Variants in RNF19A observed in about 807,000 individuals in gnomAD.
RNF19A encodes the protein E3 ubiquitin-protein ligase RNF19A.
In RNF19A, 32 loss-of-function variants were observed where a neutral mutation model predicts 75.7. The ratio of observed to expected loss-of-function variants is 0.42; its 90% CI spans 0.32 to 0.57. The LOEUF is 0.57. Ranked by LOEUF, RNF19A falls within the 20% of genes least tolerant of loss-of-function variation. RNF19A has a pLI of 0.10. For synonymous variants in RNF19A, 335 were observed against 345.2 expected (o/e 0.97, Z 0.33); for missense variants, 782 against 1,036.3 (o/e 0.75, Z 3.37).
At chr8:100,335,254 A>T (rs1822664115) in intron 1 of RNF19A, among the ~76,000 whole-genome samples, 1 of 152,212 alleles carries the variant, frequency 6.6e-6, no homozygotes, top group South Asian at 2.1e-4. Context: ...CTTACTGTAA[A>T]CCAGGTACCC....
rs1299159291 is a variant in RNF19A, at chr8:100,257,963, C to T, written c.*593G>A. The T allele has an allele frequency of 7.5e-6, 3 of 398,412 alleles. No homozygotes were observed. The highest frequency in any genetic ancestry group is 6.2e-5 in the African/African-American group (3 of 48,546). 24.7% of individuals were successfully genotyped at this position (398,412 alleles called of 1,614,324 possible). ...CAGGTATTTCTATTTCAAAGTTGTGCAAAAACTGCCACAATCTTGCTCAAA... is the reference window on the plus strand; with the variant it reads ...CAGGTATTTCTATTTCAAAGTTGTGTAAAAACTGCCACAATCTTGCTCAAA... On this transcript the variant is annotated 3_prime_UTR_variant, in exon 10 of 10. Coordinates refer to ENST00000341084, the MANE Select transcript of RNF19A (RefSeq NM_183419.4).
At chr8:100,320,894 G>C (rs905653650) in intron 1 of RNF19A, among the ~76,000 whole-genome samples, 2 of 152,110 alleles carry the variant, frequency 1.3e-5, no homozygotes, top group African/African-American at 4.8e-5. Context: ...ACATTATATT[G>C]TGGGCTATTA....
At position 100,320,960 on chromosome 8, in the gene RNF19A, A is replaced by G. The variant is rs181712027; in HGVS notation, c.-242-7588T>C. 5.1e-3 allele frequency among the ~76,000 whole-genome samples: 784 copies of G among 152,348 alleles called. 6 individuals are homozygous for G. The highest frequency in any genetic ancestry group is 0.018 in the African/African-American group (749 of 41,586). On this transcript the variant is annotated intron_variant, in intron 1 of 3. Coordinates refer to the RNF19A transcript ENST00000519527. ...ATATACCTTAATTTAAAAATACTTCATTGCTAAAAAATACTAATGATCATC... is the reference window on the plus strand; with the variant it reads ...ATATACCTTAATTTAAAAATACTTCGTTGCTAAAAAATACTAATGATCATC...
intron 1 of RNF19A, among the ~76,000 whole-genome samples, chr8:100,293,935 A>G (rs1013591427): frequency 1.3e-5 from 2 of 152,188 alleles, no homozygotes; most frequent in Non-Finnish European, 2.9e-5. Flanking sequence ...TCAGTTCTAT[A>G]ACATCTATTG....
rs1171404891 is a variant in RNF19A at position 100,257,826 on chromosome 8, G to A, written c.*730C>T. 2.0e-5 allele frequency: 8 copies of A among 391,108 alleles called. No homozygotes were observed. The highest frequency in any genetic ancestry group is 3.6e-5 in the Non-Finnish European group (8 of 221,656). The allele number at this position is 391,108 out of a possible 1,614,324, so 24.2% of individuals were successfully genotyped here. A position where few individuals can be genotyped will look rare whatever the true frequency, so the allele number is the denominator to read the frequency against. On this transcript the variant is annotated 3_prime_UTR_variant, in exon 10 of 10. Transcript: ENST00000341084. ...TTTTTTGTAATACTTATAACCTAAT[G>A]GGACTTTATTTTGTAGTTTTATGTA... is the stretch of plus-strand genomic sequence containing the variant.
rs1386918571 is a variant in RNF19A, at chr8:100,323,060, G to A, written c.-242-9688C>T. On this transcript the variant is annotated intron_variant, in intron 1 of 3. Coordinates refer to the RNF19A transcript ENST00000519527. The surrounding 1 kb of genome is among the most constrained non-coding windows in gnomAD (Gnocchi z 4.6). ...GCCGAAAAATGTTGCCAATAGACTCGCTGGTTGCAGGGTTGCCACAAACCT... is the reference window on the plus strand; with the variant it reads ...GCCGAAAAATGTTGCCAATAGACTCACTGGTTGCAGGGTTGCCACAAACCT... 2.0e-5 allele frequency among the ~76,000 whole-genome samples: 3 copies of A among 152,190 alleles called. No individual in the cohort carries two copies. The highest frequency in any genetic ancestry group is 2.1e-4 in the South Asian group (1 of 4,820).
rs551151386 is a variant in RNF19A at position 100,284,933 on chromosome 8, T to G, written c.674+2568A>C. On this transcript the variant is annotated intron_variant, in intron 2 of 9. Transcript: ENST00000341084. The surrounding 1 kb of genome is among the most constrained non-coding windows in gnomAD (Gnocchi z 4.3). ...AAAAATTGTATCAGTATACTAAGCA[T>G]GAACTGGAAATCAGAACCTTTATTT... Among the ~76,000 whole-genome samples the G allele has an allele frequency of 9.8e-5, 15 of 152,286 alleles. No individual in the cohort carries two copies. The highest frequency in any genetic ancestry group is 3.4e-4 in the African/African-American group (14 of 41,578).
At chr8:100,314,257 T>A (rs1822342315), upstream of RNF19A, among the ~76,000 whole-genome samples, 1 of 152,146 alleles carries the variant, frequency 6.6e-6, no homozygotes, top group African/African-American at 2.4e-5. This position sits in a 1 kb window ranked among gnomAD's most constrained non-coding sequence, Gnocchi z 4.1. Context: ...TGAGTACACA[T>A]ACTATATATA....
rs1014339353 is a variant in RNF19A at position 100,264,828 on chromosome 8, AC to A, written c.1192-44del. The A allele has an allele frequency of 7.3e-7, 1 of 1,362,036 alleles. No homozygotes were observed. Among genetic ancestry groups the A allele is most frequent in the African/African-American group, 1.4e-5 (1 of 69,694 alleles). The allele number at this position is 1,362,036 out of a possible 1,614,324, so 84.4% of individuals were successfully genotyped here. A position where few individuals can be genotyped will look rare whatever the true frequency, so the allele number is the denominator to read the frequency against. Reference sequence around the variant, plus strand: ...AGGGGTGGGGGATTAAAGAGAAAATACATTACAATTTAACTTAGTTGAAAAA... The same window carrying A: ...AGGGGTGGGGGATTAAAGAGAAAATAATTACAATTTAACTTAGTTGAAAAA... On this transcript the variant is annotated intron_variant, in intron 5 of 9. Coordinates refer to ENST00000341084, the MANE Select transcript of RNF19A (RefSeq NM_183419.4). This position sits in a 1 kb window ranked among gnomAD's most constrained non-coding sequence, Gnocchi z 4.7.
chr8:100,290,125 GT>G (rs1469253454), intron 1 of RNF19A, among the ~76,000 whole-genome samples: 3 of 151,964 alleles, frequency 2.0e-5, no homozygotes, highest in Admixed American at 2.0e-4. Flanking sequence ...AACTTTTTTT[GT>G]TTTTTTGAGA....
intron 3 of RNF19A, among the ~76,000 whole-genome samples, chr8:100,270,916 T>C (rs144977769): frequency 1.6e-4 from 24 of 152,292 alleles, no homozygotes; most frequent in Admixed American, 9.2e-4. Context: ...ACTTTGCATG[T>C]TGGCATCTGT....
At chr8:100,277,702 G>A (rs1820592513) in intron 2 of RNF19A, among the ~76,000 whole-genome samples, 1 of 152,132 alleles carries the variant, frequency 6.6e-6, no homozygotes. Context: ...TCAGCAATGG[G>A]TAATTTAACA....
intron 1 of RNF19A, among the ~76,000 whole-genome samples, chr8:100,300,178 A>G (rs1235936149): frequency 6.6e-6 from 1 of 152,208 alleles, no homozygotes; most frequent in Admixed American, 6.5e-5. Flanking sequence ...GCTTCTCTTT[A>G]CACAAGTCTC....
Position 100,322,622 on chromosome 8 carries a change from C to T in RNF19A, c.-242-9250G>A, listed in dbSNP as rs1822478792. Among the ~76,000 whole-genome samples the T allele has an allele frequency of 6.6e-6, 1 of 152,254 alleles. No homozygotes were observed. Among genetic ancestry groups the T allele is most frequent in the South Asian group, 2.1e-4 (1 of 4,832 alleles). ...TGGCTAACTGGCATAAGAGGCCTAG[C>T]TTTCAGCCTATCTCAGCTTTTGGCC... is the stretch of plus-strand genomic sequence containing the variant. On this transcript the variant is annotated intron_variant, in intron 1 of 3. Transcript: ENST00000519527. The surrounding 1 kb of genome is among the most constrained non-coding windows in gnomAD (Gnocchi z 5.1).
intron 1 of RNF19A, chr8:100,309,162 A>T (rs1822185053): frequency 3.8e-6 from 1 of 260,922 alleles, no homozygotes; most frequent in African/African-American, 2.3e-5. Context: ...GAGGGCTGGG[A>T]ACACCCTAAA....
intron 1 of RNF19A, among the ~76,000 whole-genome samples, chr8:100,290,415 A>T (rs2129977630): frequency 6.6e-6 from 1 of 152,250 alleles, no homozygotes; most frequent in South Asian, 2.1e-4. Flanking sequence ...CTTTCTTAAT[A>T]TGTGCAGTAT....
At position 100,269,826 on chromosome 8, in the gene RNF19A, T is replaced by C. The variant is rs1244330573; in HGVS notation, c.1028+43A>G. 2.1e-6 allele frequency: 3 copies of C among 1,446,960 alleles called. No homozygotes were observed. Among genetic ancestry groups the C allele is most frequent in the Non-Finnish European group, 2.8e-6 (3 of 1,084,380 alleles). 89.6% of individuals were successfully genotyped at this position (1,446,960 alleles called of 1,614,324 possible). ...AGACAAGTTATTTTGTCTTACAATA[T>C]AAAATTACATTTACATATAAATAGC... is the stretch of plus-strand genomic sequence containing the variant. On this transcript the variant is annotated intron_variant, in intron 4 of 9. Transcript: ENST00000341084. The surrounding 1 kb of genome is among the most constrained non-coding windows in gnomAD (Gnocchi z 5.7).
chr8:100,329,233 A>G lies in RNF19A; in HGVS notation c.-243+6875T>C, dbSNP rs1319775133. Among the ~76,000 whole-genome samples the G allele has an allele frequency of 6.6e-6, 1 of 152,198 alleles. No homozygotes were observed. Among genetic ancestry groups the G allele is most frequent in the Non-Finnish European group, 1.5e-5 (1 of 68,042 alleles). ...AACCACAGGTCAAAGCTCATCTCAC[A>G]CATGCACATATACATATACACACAT... On this transcript the variant is annotated intron_variant, in intron 1 of 3. Coordinates refer to the RNF19A transcript ENST00000519527. This position sits in a 1 kb window ranked among gnomAD's most constrained non-coding sequence, Gnocchi z 4.3.
rs1436934633 is a variant in RNF19A, at chr8:100,317,256, G to A, written c.-242-3884C>T. Among the ~76,000 whole-genome samples the A allele has an allele frequency of 1.3e-5, 2 of 149,606 alleles. No homozygotes were observed. Among genetic ancestry groups the A allele is most frequent in the East Asian group, 4.0e-4 (2 of 5,050 alleles). On this transcript the variant is annotated intron_variant, in intron 1 of 3. Coordinates refer to the RNF19A transcript ENST00000519527. This position sits in a 1 kb window ranked among gnomAD's most constrained non-coding sequence, Gnocchi z 4.3. Reference sequence around the variant, plus strand: ...TCACAGTGCAGTGGTGGGCTGAAGGGCTCCTCAAATGCCGCCAAAGTGGGA... The same window carrying A: ...TCACAGTGCAGTGGTGGGCTGAAGGACTCCTCAAATGCCGCCAAAGTGGGA...
Sources: allele counts gnomAD v4.1 joint callset (sites outside exome capture counted in the v4.1 genomes callset), GRCh38; gene constraint gnomAD v4.1.1; non-coding constraint Gnocchi (gnomAD v3.1); transcripts MANE v1.5; gene names NCBI Gene and HGNC (gene_info 2026-07-23, HGNC 2026-07-21).